The following CCDC141 variants were observed in gnomAD, a reference collection of about 807,000 sequenced individuals.
CCDC141 encodes the protein coiled-coil domain containing 141, also known as coiled-coil domain-containing protein 141.
In CCDC141, 168 loss-of-function variants were observed where a neutral mutation model predicts 181.0. That is an observed-to-expected ratio of 0.93 (90% CI 0.82 to 1.05). The LOEUF (loss-of-function observed/expected upper bound fraction) is 1.05, where lower values mean the gene tolerates loss of function less well. Among genes scored for constraint, CCDC141 ranks in the 50% least tolerant of loss-of-function variants. The pLI, the probability that CCDC141 is intolerant of heterozygous loss-of-function variation, is 0.00. For missense variants in CCDC141, 1,902 were observed against 1,788.5 expected (o/e 1.06, Z -1.14); for synonymous variants, 666 against 642.3 (o/e 1.04, Z -0.56).
At position 178,831,794 on chromosome 2, in the gene CCDC141, A is replaced by G. The variant is rs1442905660; in HGVS notation, c.*2379T>C. On this transcript the variant is annotated 3_prime_UTR_variant, in exon 24 of 24. Transcript: ENST00000443758. The stretch of plus-strand genomic sequence containing the variant: ...TGAATAGGTAGATGGATAGGTACAC[A>G]GAAAGCTATCTGTACTATATCTTGA... The G allele has an allele frequency of 3.9e-5, 6 of 152,228 alleles. No individual in the cohort carries two copies. The highest frequency in any genetic ancestry group is 4.8e-5 in the African/African-American group (2 of 41,460). The allele number at this position is 152,228 out of a possible 1,614,324, so 9.4% of individuals were successfully genotyped here.
At chr2:178,828,479 A>G (rs1684157171), downstream of CCDC141, among the ~76,000 whole-genome samples, 1 of 152,224 alleles carries the variant, frequency 6.6e-6, no homozygotes, top group Admixed American at 6.5e-5. Flanking sequence ...ATGTGATAAG[A>G]AATACTGTTA....
intron 21 of CCDC141, among the ~76,000 whole-genome samples, chr2:178,847,646 T>A (rs1001792374): frequency 6.6e-6 from 1 of 152,178 alleles, no homozygotes; most frequent in African/African-American, 2.4e-5. Context: ...TAGGGAGGGT[T>A]GGGATGGCAA....
intron 2 of CCDC141, among the ~76,000 whole-genome samples, chr2:179,006,433 T>C (rs1355840441): frequency 6.6e-6 from 1 of 152,154 alleles, no homozygotes; most frequent in African/African-American, 2.4e-5. Flanking sequence ...GGTTCAATGA[T>C]CACTCTGCAA....
intron 17 of CCDC141, among the ~76,000 whole-genome samples, chr2:178,862,932 T>C (rs182942544): frequency 3.8e-4 from 58 of 152,264 alleles, no homozygotes; most frequent in African/African-American, 1.3e-3. Flanking sequence ...AGAAATTTTT[T>C]TGAAATAACC....
chr2:178,881,244 G>T (rs1686593129), intron 11 of CCDC141, among the ~76,000 whole-genome samples: 2 of 152,184 alleles, frequency 1.3e-5, no homozygotes, highest in South Asian at 4.1e-4. Context: ...GTCAGTACTT[G>T]CCTGAGGCTG....
chr2:179,037,338 A>G (rs1463594528), intron 2 of CCDC141, among the ~76,000 whole-genome samples: 1 of 152,228 alleles, frequency 6.6e-6, no homozygotes, highest in African/African-American at 2.4e-5. Context: ...ACAGGGAAAG[A>G]GATAAAGTGG....
At chr2:178,936,751 T>C (rs547784757) in intron 6 of CCDC141, among the ~76,000 whole-genome samples, 78 of 152,170 alleles carry the variant, frequency 5.1e-4, no homozygotes, top group Non-Finnish European at 9.7e-4. Context: ...TCCATTTGTT[T>C]GTGTCTTCTG....
At position 178,853,571 on chromosome 2, in the gene CCDC141, A is replaced by G; in HGVS notation, c.3114T>C (p.Tyr1038=). 1.2e-6 allele frequency: 2 copies of G among 1,614,126 alleles called. No individual in the cohort carries two copies. The highest frequency in any genetic ancestry group is 1.7e-6 in the Non-Finnish European group (2 of 1,179,978). The change falls in exon 20 of 24, where the codon TAT becomes TAC. Residue 1038 remains tyrosine (Y), a synonymous_variant. Coordinates refer to ENST00000443758, the MANE Select transcript of CCDC141 (RefSeq NM_173648.4). ...CTTCCTTTGTCTTGCACTCTGTGGAATATTTTCCAACTCTTACAACTGTGG... is the reference window on the plus strand; with the variant it reads ...CTTCCTTTGTCTTGCACTCTGTGGAGTATTTTCCAACTCTTACAACTGTGG... ...ASATVVRVGK[Y]STECKTKEAV... is the part of the protein sequence containing the mutation.
chr2:178,959,169 G>A (rs1298235773), intron 5 of CCDC141, among the ~76,000 whole-genome samples: 1 of 151,956 alleles, frequency 6.6e-6, no homozygotes, highest in Admixed American at 6.6e-5. Context: ...GGGAGGGATA[G>A]CATTAGGAGA....
chr2:178,816,178 C>T, the CCDC141 span, among the ~76,000 whole-genome samples: 1 of 152,192 alleles, frequency 6.6e-6, no homozygotes, highest in Non-Finnish European at 1.5e-5. Flanking sequence ...TAAACATCCT[C>T]TGTGCTCCAC....
chr2:178,993,343 C>T (rs1692142957), intron 2 of CCDC141, among the ~76,000 whole-genome samples: 1 of 152,200 alleles, frequency 6.6e-6, no homozygotes, highest in African/African-American at 2.4e-5. Context: ...GGAAGCCTCA[C>T]AATCATAGCA....
intron 2 of CCDC141, among the ~76,000 whole-genome samples, chr2:178,983,649 C>T (rs868145666): frequency 0.015 from 2,251 of 147,942 alleles, 59 homozygotes; most frequent in African/African-American, 0.053. Flanking sequence ...AACCAAGGCT[C>T]GAGAACTACG....
intron 14 of CCDC141, among the ~76,000 whole-genome samples, chr2:178,869,973 T>A (rs1279903505): frequency 6.6e-6 from 1 of 152,176 alleles, no homozygotes; most frequent in Non-Finnish European, 1.5e-5. Flanking sequence ...GGCTCACGCC[T>A]GTAATCCCAG....
intron 8 of CCDC141, among the ~76,000 whole-genome samples, chr2:178,897,934 T>C (rs1278374774): frequency 6.6e-6 from 1 of 152,190 alleles, no homozygotes; most frequent in Non-Finnish European, 1.5e-5. Flanking sequence ...AGGCCATCTT[T>C]GGTTTTTCTT....
intron 8 of CCDC141, among the ~76,000 whole-genome samples, chr2:178,893,829 A>G (rs1031233424): frequency 5.3e-4 from 80 of 151,496 alleles, no homozygotes; most frequent in Middle Eastern, 3.4e-3. Flanking sequence ...ACACGCACAC[A>G]CACACACACA....
intron 5 of CCDC141, among the ~76,000 whole-genome samples, chr2:178,956,558 T>A (rs747097984): frequency 9.9e-5 from 15 of 152,128 alleles, no homozygotes; most frequent in Non-Finnish European, 1.2e-4. Context: ...CCGCCTCACC[T>A]CCCATAGTGC....
At chr2:178,925,111 T>G (rs891797192) in intron 6 of CCDC141, among the ~76,000 whole-genome samples, 1 of 152,236 alleles carries the variant, frequency 6.6e-6, no homozygotes, top group African/African-American at 2.4e-5. Context: ...ACTGGCTGTT[T>G]GATCCAGAAA....
chr2:178,963,843 T>C (rs1690507675), intron 4 of CCDC141, among the ~76,000 whole-genome samples: 3 of 152,310 alleles, frequency 2.0e-5, no homozygotes, highest in Middle Eastern at 3.4e-3. Context: ...CCTGGGCAAT[T>C]TGATTGTGAG....
intron 21 of CCDC141, among the ~76,000 whole-genome samples, chr2:178,847,657 C>A (rs1684995657): frequency 6.6e-6 from 1 of 152,094 alleles, no homozygotes; most frequent in Middle Eastern, 3.2e-3. Flanking sequence ...GGGATGGCAA[C>A]AGCAGTTATA....
Sources: gnomAD v4.1 joint callset for allele counts (sites outside exome capture counted in the v4.1 genomes callset) on GRCh38, gnomAD v4.1.1 for gene constraint, MANE v1.5 for transcripts, NCBI Gene and HGNC (gene_info 2026-07-23, HGNC 2026-07-21) for gene names.